Variants in TRAF3 observed in about 807,000 individuals in gnomAD.
TRAF3 encodes TNF receptor-associated factor 3.
In TRAF3, 13 loss-of-function variants were observed where a neutral mutation model predicts 62.3. The ratio of observed to expected loss-of-function variants is 0.21; its 90% CI spans 0.14 to 0.33. The LOEUF (loss-of-function observed/expected upper bound fraction) is 0.33. Among genes scored for constraint, TRAF3 ranks in the 10% least tolerant of loss-of-function variants. The pLI, the probability that TRAF3 is intolerant of heterozygous loss-of-function variation, is 1.00. For synonymous variants in TRAF3, 269 were observed against 283.4 expected, an observed-to-expected ratio of 0.95 and a Z score of 0.51; for missense variants, 440 against 741.8, an observed-to-expected ratio of 0.59 and a Z score of 4.73.
chr14:102,886,860 G>A (rs182921321), intron 7 of TRAF3, among the ~76,000 whole-genome samples: 2 of 152,322 alleles, frequency 1.3e-5, no homozygotes, highest in East Asian at 1.9e-4. Flanking sequence ...CAAAGGTGAC[G>A]AGGGGTTTTT....
rs572971868 is a variant in TRAF3, at chr14:102,784,994, G to T, written c.-157+7319G>T. ...GCCTTTGTGACAGCCTAACTTCTGA[G>T]GCAGGAATTCTCCCCATTTTGCAGA... is the stretch of plus-strand genomic sequence containing the variant. On this transcript the variant is annotated intron_variant, in intron 1 of 11. Coordinates refer to ENST00000392745, the MANE Select transcript of TRAF3 (RefSeq NM_145725.3). Among the ~76,000 whole-genome samples the T allele has an allele frequency of 5.9e-5, 9 of 152,274 alleles. No individual in the cohort carries two copies. The South Asian group carries it at 1.7e-3, about 28-fold the overall frequency.
intron 1 of TRAF3, among the ~76,000 whole-genome samples, chr14:102,825,184 A>G (rs1229487840): frequency 2.0e-5 from 3 of 152,230 alleles, no homozygotes; most frequent in East Asian, 1.9e-4. Context: ...CCAAGTCCAA[A>G]GCGTCAGGCC....
At chr14:102,816,380 T>C (rs182893184) in intron 1 of TRAF3, among the ~76,000 whole-genome samples, 85 of 152,238 alleles carry the variant, frequency 5.6e-4, no homozygotes, top group African/African-American at 1.7e-3. Flanking sequence ...TACGATTACA[T>C]GCATTAGCTA....
chr14:102,903,127 C>T lies in TRAF3; in HGVS notation c.961-128C>T, dbSNP rs747502591. The T allele has an allele frequency of 1.4e-5, 19 of 1,312,474 alleles. 1 individual carries two copies. Among genetic ancestry groups the T allele is most frequent in the Middle Eastern group, 1.8e-4 (1 of 5,458 alleles). The allele number at this position is 1,312,474 out of a possible 1,614,324, so 81.3% of individuals were successfully genotyped here. A position where few individuals can be genotyped will look rare whatever the true frequency, so the allele number is the denominator to read the frequency against. On this transcript the variant is annotated intron_variant, in intron 10 of 11. Coordinates refer to ENST00000392745, the MANE Select transcript of TRAF3 (RefSeq NM_145725.3). This position sits in a 1 kb window ranked among gnomAD's most constrained non-coding sequence, Gnocchi z 6.4. Reference sequence around the variant, plus strand: ...AGCCCCACTCCTGGAGTCAGAGCCGCGGGTGGCAGGCCTCATACAGGGGCC... The same window carrying T: ...AGCCCCACTCCTGGAGTCAGAGCCGTGGGTGGCAGGCCTCATACAGGGGCC...
At position 102,910,211 on chromosome 14, in the gene TRAF3, A is replaced by G. The variant is rs1890793093; in HGVS notation, c.*4427A>G. ...CAGACTCCTCCCTCTACTGGGGGTA[A>G]TTTGTGTGTCAGAAGGGCTCTGGCA... is the stretch of plus-strand genomic sequence containing the variant. On this transcript the variant is annotated 3_prime_UTR_variant, in exon 12 of 12. Coordinates refer to ENST00000392745, the MANE Select transcript of TRAF3 (RefSeq NM_145725.3). 6.6e-6 allele frequency: 1 copy of G among 152,148 alleles called. No individual in the cohort carries two copies. The allele number at this position is 152,148 out of a possible 1,614,324, so 9.4% of individuals were successfully genotyped here.
At chr14:102,874,649 T>C (rs1429374389) in intron 4 of TRAF3, among the ~76,000 whole-genome samples, 1 of 118,140 alleles carries the variant, frequency 8.5e-6, no homozygotes, top group East Asian at 2.4e-4. Flanking sequence ...TTTTTCTTCT[T>C]CTTTTTTTTT....
chr14:102,870,608 G>A (rs1888284573), intron 3 of TRAF3, among the ~76,000 whole-genome samples, 162 bp downstream of exon 3: 1 of 152,216 alleles, frequency 6.6e-6, no homozygotes, highest in African/African-American at 2.4e-5. Context: ...GGGAGGTGCA[G>A]TGGGATCCCA....
At position 102,787,831 on chromosome 14, in the gene TRAF3, C is replaced by T. The variant is rs1223405337; in HGVS notation, c.-157+10156C>T. ...CCTTGCTTTTTTTTTTTTTCCATAG[C>T]AGAAAATGGTTTTCCTTTCCTTTTT... is the stretch of plus-strand genomic sequence containing the variant. On this transcript the variant is annotated intron_variant, in intron 1 of 11. Coordinates refer to ENST00000392745, the MANE Select transcript of TRAF3 (RefSeq NM_145725.3). Among the ~76,000 whole-genome samples the T allele has an allele frequency of 8.6e-5, 13 of 150,534 alleles. No homozygotes were observed. The East Asian group carries it at 2.5e-3, about 29-fold the overall frequency.
intron 1 of TRAF3, among the ~76,000 whole-genome samples, chr14:102,802,430 A>T (rs971164998): frequency 8.2e-4 from 123 of 150,400 alleles, no homozygotes; most frequent in African/African-American, 3.0e-3. Flanking sequence ...CTGGGATTAC[A>T]GGCGTGAGCC....
At chr14:102,807,410 C>T (rs897935653) in intron 1 of TRAF3, among the ~76,000 whole-genome samples, 1 of 152,220 alleles carries the variant, frequency 6.6e-6, no homozygotes, top group African/African-American at 2.4e-5. Context: ...CTGTGTCCTA[C>T]AGTTTCCTCC....
At chr14:102,785,376 T>G (rs573297113) in intron 1 of TRAF3, among the ~76,000 whole-genome samples, 38 of 152,362 alleles carry the variant, frequency 2.5e-4, no homozygotes, top group African/African-American at 8.7e-4. Context: ...TACAGCTTGC[T>G]GAGTAACAGT....
At chr14:102,812,323 A>G (rs1418650858) in intron 1 of TRAF3, among the ~76,000 whole-genome samples, 1 of 152,134 alleles carries the variant, frequency 6.6e-6, no homozygotes, top group Non-Finnish European at 1.5e-5. Context: ...TGTTGCTGTG[A>G]ACGACAGGAT....
At position 102,852,974 on chromosome 14, in the gene TRAF3, A is replaced by T. The variant is rs138808860; in HGVS notation, c.-17-17211A>T. On this transcript the variant is annotated intron_variant, in intron 2 of 11. Transcript: ENST00000392745. Reference sequence around the variant, plus strand: ...AGCGGCACAATCTCGGCTTACTGCAACCTCCACCTCCTGGGTTCAAACGAT... The same window carrying T: ...AGCGGCACAATCTCGGCTTACTGCATCCTCCACCTCCTGGGTTCAAACGAT... Among the ~76,000 whole-genome samples, 1,228 of 151,862 alleles carry T rather than the reference A, an allele frequency of 8.1e-3. 7 individuals carry two copies. The highest frequency in any genetic ancestry group is 0.013 in the Non-Finnish European group (860 of 67,928).
chr14:102,793,160 A>G (rs538170547), intron 1 of TRAF3, among the ~76,000 whole-genome samples: 4 of 151,792 alleles, frequency 2.6e-5, no homozygotes, highest in Non-Finnish European at 4.4e-5. Context: ...CTGGGAACCA[A>G]TCTTTTTTTG....
At position 102,839,762 on chromosome 14, in the gene TRAF3, A is replaced by C. The variant is rs114225914; in HGVS notation, c.-18+9290A>C. Among the ~76,000 whole-genome samples, 1,121 of 152,328 alleles carry C rather than the reference A, an allele frequency of 7.4e-3. 23 individuals carry two copies. The highest frequency in any genetic ancestry group is 0.025 in the African/African-American group (1,042 of 41,566). On this transcript the variant is annotated intron_variant, in intron 2 of 11. Transcript: ENST00000392745. ...GTTCTCATAGTATCTTCCTGTCTACACAGTGCATTTGTTTACTAATTTATA... is the reference window on the plus strand; with the variant it reads ...GTTCTCATAGTATCTTCCTGTCTACCCAGTGCATTTGTTTACTAATTTATA...
At chr14:102,791,020 C>CTTTTT (rs559815933) in intron 1 of TRAF3, among the ~76,000 whole-genome samples, 21 of 129,874 alleles carry the variant, frequency 1.6e-4, no homozygotes, top group South Asian at 2.5e-4. Context: ...CTTTTCTTTT[C>CTTTTT]TTTTTTTTTT....
chr14:102,812,139 C>T (rs1369192386), intron 1 of TRAF3, among the ~76,000 whole-genome samples: 2 of 151,862 alleles, frequency 1.3e-5, no homozygotes, highest in Admixed American at 6.6e-5. Flanking sequence ...GTCTAGCTCT[C>T]TCCCCATTTT....
chr14:102,860,090 G>T (rs907288509), intron 2 of TRAF3, among the ~76,000 whole-genome samples: 2 of 152,208 alleles, frequency 1.3e-5, no homozygotes, highest in African/African-American at 4.8e-5. Context: ...TTATCTCTCA[G>T]TGGGGAAGGG....
chr14:102,819,366 A>C lies in TRAF3; in HGVS notation c.-156-10968A>C, dbSNP rs1268377926. ...AGCCACAGCTTGTGTTTGCCGTGTG[A>C]GCCGGAGCACTTGTTTGTCACCTCA... is the stretch of plus-strand genomic sequence containing the variant. On this transcript the variant is annotated intron_variant, in intron 1 of 11. Transcript: ENST00000392745. 1.3e-5 allele frequency among the ~76,000 whole-genome samples: 2 copies of C among 152,154 alleles called. 1 individual carries two copies. Among genetic ancestry groups the C allele is most frequent in the East Asian group, 3.8e-4 (2 of 5,196 alleles).
Sources: allele counts gnomAD v4.1 joint callset (sites outside exome capture counted in the v4.1 genomes callset), GRCh38; gene constraint gnomAD v4.1.1; non-coding constraint Gnocchi (gnomAD v3.1); transcripts MANE v1.5; gene names NCBI Gene and HGNC (gene_info 2026-07-23, HGNC 2026-07-21).